ANKK1: variants seen among roughly 807,000 people sequenced by gnomAD.
The protein encoded by ANKK1 is ankyrin repeat and kinase domain containing 1, also known as ankyrin repeat and protein kinase domain-containing protein 1.
A neutral mutation model predicts 37.6 loss-of-function variants in ANKK1; 37 were observed. That is an observed-to-expected ratio of 0.98 (90% CI 0.76 to 1.29). ANKK1 has a LOEUF of 1.29. ANKK1 is among the 50% of genes most tolerant of loss of function. ANKK1 has a pLI of 0.00. For missense variants in ANKK1, 1,019 were observed against 990.6 expected, an observed-to-expected ratio of 1.03 and a Z score of -0.39; for synonymous variants, 415 against 418.7, an observed-to-expected ratio of 0.99 and a Z score of 0.11.
intron 1 of ANKK1, among the ~76,000 whole-genome samples, chr11:113,388,772 C>G (rs1463821297): frequency 2.0e-5 from 3 of 152,220 alleles, no homozygotes; most frequent in Non-Finnish European, 4.4e-5. Flanking sequence ...TCTCTGTCTT[C>G]CCACTGATTT....
chr11:113,394,950 A>G lies in ANKK1; in HGVS notation c.502A>G (p.Lys168Glu). Residue 168 changes from lysine to glutamate, a missense_variant, in exon 3 of 8, where the codon AAG becomes GAG. Coordinates refer to ENST00000303941, the MANE Select transcript of ANKK1 (RefSeq NM_178510.2). ...HVKISDFGLS[K>E]WMEQSTRMQY... The stretch of plus-strand genomic sequence containing the variant: ...CCAGATTTCAGACTTCGGCCTGTCC[A>G]AGTGGATGGAACAGTCCACCCGGAT... The G allele has an allele frequency of 6.2e-7, 1 of 1,612,106 alleles. No homozygotes were observed.
At position 113,397,324 on chromosome 11, in the gene ANKK1, G is replaced by A. The variant is rs771400471; in HGVS notation, c.939G>A (p.Ser313=). 21 of 1,612,464 alleles carry A rather than the reference G, an allele frequency of 1.3e-5. No individual in the cohort carries two copies. In the Middle Eastern group the frequency reaches 4.9e-4, roughly 38 times the overall value. ...CCAGGAAGGTGTCCTGCAAGCTGTC[G>A]CTGCGCCAGCCCGGGGAGGTGAGTG... ...ALARKVSCKL[S]LRQPGEVNED... Residue 313 remains serine (S), a synonymous_variant, in exon 6 of 8, where the codon TCG becomes TCA. Coordinates refer to ENST00000303941, the MANE Select transcript of ANKK1 (RefSeq NM_178510.2).
chr11:113,395,380 G>T lies in ANKK1; in HGVS notation c.654G>T (p.Glu218Asp). Reference protein sequence around the residue: ...DVYSFAIVIWELLTQKKPYSG... With the variant: ...DVYSFAIVIWDLLTQKKPYSG... ...ACAGCTTTGCAATTGTCATCTGGGA[G>T]CTACTCACTCAGAAGAAACCATACT... Residue 218 changes from glutamate (E) to aspartate (D), a missense_variant, in exon 4 of 8, where the codon GAG becomes GAT. Transcript: ENST00000303941. The T allele has an allele frequency of 6.2e-7, 1 of 1,613,960 alleles. No homozygotes were observed. Among genetic ancestry groups the T allele is most frequent in the Non-Finnish European group, 8.5e-7 (1 of 1,179,880 alleles).
rs1950683183 is a variant in ANKK1 at position 113,399,781 on chromosome 11, C to T, written c.1812C>T (p.Gly604=). The change falls in exon 8 of 8, where the codon GGC becomes GGT. Residue 604 remains glycine, a synonymous_variant. Transcript: ENST00000303941. The part of the protein sequence containing the change: ...WTPLHLAAYK[G]HLEIIHLLAE... ...CCCTGCATCTAGCAGCCTACAAGGG[C>T]CACCTGGAGATCATCCATCTGCTGG... 1.2e-6 allele frequency: 2 copies of T among 1,603,082 alleles called. No homozygotes were observed. The highest frequency in any genetic ancestry group is 1.7e-6 in the Non-Finnish European group (2 of 1,175,094).
chr11:113,390,366 G>C (rs1008042852), intron 1 of ANKK1, among the ~76,000 whole-genome samples: 1 of 152,228 alleles, frequency 6.6e-6, no homozygotes, highest in Non-Finnish European at 1.5e-5. Context: ...ACCAAGAAGA[G>C]TTGTCATGGA....
intron 7 of ANKK1, 90 bp downstream of exon 7, chr11:113,398,106 C>G (rs1950654344): frequency 7.0e-6 from 10 of 1,438,090 alleles, no homozygotes; most frequent in African/African-American, 1.4e-5. Flanking sequence ...CCTGGCCTCC[C>G]CCTCATCCCC....
chr11:113,398,797 A>C (rs1220625809), intron 7 of ANKK1, among the ~76,000 whole-genome samples, 167 bp from the exon 8 acceptor site: 1 of 152,130 alleles, frequency 6.6e-6, no homozygotes, highest in African/African-American at 2.4e-5. Context: ...CCTGAACTTG[A>C]ATAGTAACAT....
At position 113,396,091 on chromosome 11, in the gene ANKK1, T is replaced by C. The variant is rs201608349; in HGVS notation, c.707T>C (p.Ile236Thr). 6.2e-7 allele frequency: 1 copy of C among 1,614,022 alleles called. No homozygotes were observed. Among genetic ancestry groups the C allele is most frequent in the East Asian group, 2.2e-5 (1 of 44,858 alleles). Residue 236 changes from isoleucine (I) to threonine (T), a missense_variant, in exon 5 of 8, where the codon ATC (isoleucine) becomes ACC (threonine). Physicochemically the swap from Ile to Thr is moderately conservative, Grantham distance 89 (BLOSUM62 -1). Coordinates refer to ENST00000303941, the MANE Select transcript of ANKK1 (RefSeq NM_178510.2). The part of the protein sequence containing the change: ...YSGFNMMMII[I>T]RVAAGMRPSL... ...GGGTTCAACATGATGATGATTATTATCCGAGTGGCGGCAGGCATGCGGCCC... is the reference window on the plus strand; with the variant it reads ...GGGTTCAACATGATGATGATTATTACCCGAGTGGCGGCAGGCATGCGGCCC...
intron 6 of ANKK1, 121 bp from the exon 7 acceptor site, chr11:113,397,859 A>G: frequency 9.3e-7 from 1 of 1,077,452 alleles, no homozygotes; most frequent in Non-Finnish European, 1.4e-6. Context: ...TTCCCAGGAT[A>G]GGGTGGGATG....
chr11:113,398,813 G>T, intron 7 of ANKK1, 151 bp from the exon 8 acceptor site: 1 of 689,428 alleles, frequency 1.5e-6, no homozygotes, highest in Non-Finnish European at 2.4e-6. Flanking sequence ...AACATTTATG[G>T]CTGTGTAGAG....
Position 113,387,877 on chromosome 11 carries a change from G to GA in ANKK1, c.-7dup. 1 of 1,527,716 alleles carries GA rather than the reference G, an allele frequency of 6.5e-7. No homozygotes were observed. Among genetic ancestry groups the GA allele is most frequent in the East Asian group, 2.5e-5 (1 of 40,674 alleles). The allele number at this position is 1,527,716 out of a possible 1,614,324, so 94.6% of individuals were successfully genotyped here. A position where few individuals can be genotyped will look rare whatever the true frequency, so the allele number is the denominator to read the frequency against. The stretch of plus-strand genomic sequence containing the variant: ...AGTGCGCGGCGCGGGGACAGGAAGA[G>GA]AGGGGCAATGGCTGCCGACCCCACC... On this transcript the variant is annotated 5_prime_UTR_variant, in exon 1 of 8. Coordinates refer to ENST00000303941, the MANE Select transcript of ANKK1 (RefSeq NM_178510.2).
chr11:113,389,495 G>A (rs369753671), intron 1 of ANKK1, among the ~76,000 whole-genome samples: 3 of 152,110 alleles, frequency 2.0e-5, no homozygotes, highest in South Asian at 2.1e-4. Context: ...CTTTCTCTCC[G>A]GGAGATTGCA....
At position 113,399,237 on chromosome 11, in the gene ANKK1, G is replaced by A. The variant is rs568242765; in HGVS notation, c.1268G>A (p.Arg423Gln). The A allele has an allele frequency of 4.4e-5, 71 of 1,607,718 alleles. 1 individual carries two copies. In the South Asian group the frequency reaches 6.6e-4, roughly 15 times the overall value. ...LLLAHGADAN[R>Q]VDEDGWAPLH... is the part of the protein sequence containing the mutation. ...TTGGCACATGGTGCTGATGCCAACC[G>A]AGTGGATGAGGATGGCTGGGCCCCA... The change falls in exon 8 of 8, where the codon CGA (arginine) becomes CAA (glutamine). Residue 423 changes from arginine to glutamine, a missense_variant. By Grantham distance (43) the Arg-to-Gln change is conservative. Transcript: ENST00000303941.
rs1187466056 is a variant in ANKK1, at chr11:113,399,295, C to T, written c.1326C>T (p.Gly442=). ...TTGCAGCCCAGAATGGGGATGACGG[C>T]ACTGCGCGCCTGCTCCTGGACCACG... ...LHFAAQNGDD[G]TARLLLDHGA... The change falls in exon 8 of 8, where the codon GGC becomes GGT. Residue 442 remains glycine (G), a synonymous_variant. Coordinates refer to ENST00000303941, the MANE Select transcript of ANKK1 (RefSeq NM_178510.2). The T allele has an allele frequency of 1.9e-6, 3 of 1,601,464 alleles. No homozygotes were observed. The highest frequency in any genetic ancestry group is 2.3e-5 in the South Asian group (2 of 88,428).
At chr11:113,398,236 G>A (rs1286138370) in intron 7 of ANKK1, among the ~76,000 whole-genome samples, 7 of 151,506 alleles carry the variant, frequency 4.6e-5, no homozygotes, top group Admixed American at 3.3e-4. Flanking sequence ...CTTGCAAGAC[G>A]GAATTTTCCC....
At chr11:113,398,840 G>A in intron 7 of ANKK1, 124 bp from the exon 8 acceptor site, 1 of 808,978 alleles carries the variant, frequency 1.2e-6, no homozygotes, top group Non-Finnish European at 1.9e-6. Context: ...GCTTAGGAAA[G>A]GCATTGCCCT....
Position 113,393,636 on chromosome 11 carries a change from G to C in ANKK1, c.341G>C (p.Ser114Thr). Residue 114 changes from serine (S) to threonine (T), a missense_variant, in exon 2 of 8, where the codon AGC (serine) becomes ACC (threonine). Physicochemically the swap from Ser to Thr is moderately conservative, Grantham distance 58. Coordinates refer to ENST00000303941, the MANE Select transcript of ANKK1 (RefSeq NM_178510.2). ...GSLEKVLSTH[S>T]LCWKLRFRII... The stretch of plus-strand genomic sequence containing the variant: ...CTGGAGAAGGTGCTGTCCACCCACA[G>C]CCTCTGCTGGAAGCTCAGGTTCCGC... The C allele has an allele frequency of 6.2e-7, 1 of 1,613,944 alleles. No homozygotes were observed. Among genetic ancestry groups the C allele is most frequent in the Non-Finnish European group, 8.5e-7 (1 of 1,179,836 alleles).
In ANKK1 at chr11:113,400,292, C is replaced by T. The variant is rs1219973894; in HGVS notation, c.*25C>T. On this transcript the variant is annotated 3_prime_UTR_variant, in exon 8 of 8. Transcript: ENST00000303941. ...GACAACTTGGCCAGCCGTGGTGGCT[C>T]ACGTCTGTAATCCCAGCACTTTGGG... 7.9e-6 allele frequency: 12 copies of T among 1,515,508 alleles called. No individual in the cohort carries two copies. The Admixed American group carries it at 1.8e-4, about 23-fold the overall frequency. The allele number at this position is 1,515,508 out of a possible 1,614,324, so 93.9% of individuals were successfully genotyped here.
At chr11:113,393,373 T>G in intron 1 of ANKK1, 108 bp from the exon 2 acceptor site, 1 of 1,236,800 alleles carries the variant, frequency 8.1e-7, no homozygotes, top group East Asian at 2.3e-5. Flanking sequence ...CTCCTGAGGC[T>G]TCTGTGGGTC....
Sources: gnomAD v4.1 joint callset for allele counts (sites outside exome capture counted in the v4.1 genomes callset) on GRCh38, gnomAD v4.1.1 for gene constraint, MANE v1.5 for transcripts, NCBI Gene and HGNC (gene_info 2026-07-23, HGNC 2026-07-21) for gene names.